Variants in EHBP1 observed in about 807,000 individuals in gnomAD.
EHBP1 encodes EH domain binding protein 1, also known as EH domain-binding protein 1.
EHBP1 carries 55 observed loss-of-function variants against 144.0 expected under a neutral mutation model. The ratio of observed to expected loss-of-function variants is 0.38; its 90% CI spans 0.31 to 0.48. The LOEUF (loss-of-function observed/expected upper bound fraction) is 0.48. Among genes scored for constraint, EHBP1 ranks in the 20% least tolerant of loss-of-function variants. The pLI is 0.98. For synonymous variants in EHBP1, 469 were observed against 472.7 expected (o/e 0.99, Z 0.10); for missense variants, 1,200 against 1,364.2 (o/e 0.88, Z 1.90).
intron 4 of EHBP1, 85 bp from the exon 5 acceptor site, chr2:62,771,254 C>A: frequency 1.1e-6 from 1 of 900,344 alleles, no homozygotes; most frequent in Non-Finnish European, 1.6e-6. Context: ...AAGCTAAAAA[C>A]AAGGCTATAT....
chr2:62,959,228 A>G (rs1054882586), intron 14 of EHBP1, among the ~76,000 whole-genome samples: 5 of 152,188 alleles, frequency 3.3e-5, no homozygotes, highest in African/African-American at 7.2e-5. Flanking sequence ...TTAAAGCTGA[A>G]TGGTATTCCA....
chr2:62,692,587 G>A (rs2033941987), intron 1 of EHBP1, among the ~76,000 whole-genome samples: 1 of 152,132 alleles, frequency 6.6e-6, no homozygotes, highest in African/African-American at 2.4e-5. Context: ...GTGTAAAGTA[G>A]TATCTTACTG....
At chr2:62,714,834 C>T (rs1012270152) in intron 2 of EHBP1, among the ~76,000 whole-genome samples, 4 of 152,040 alleles carry the variant, frequency 2.6e-5, no homozygotes, top group Admixed American at 2.6e-4. Flanking sequence ...TAGGAGTAAC[C>T]AGGGAATGTG....
intron 5 of EHBP1, among the ~76,000 whole-genome samples, chr2:62,778,391 A>G (rs1249090897): frequency 6.6e-6 from 1 of 152,086 alleles, no homozygotes; most frequent in Non-Finnish European, 1.5e-5. Flanking sequence ...AAAATGTCAA[A>G]AAATAGCTGG....
At chr2:62,729,319 T>TTATAA (rs1322223413) in intron 2 of EHBP1, among the ~76,000 whole-genome samples, 1 of 128,642 alleles carries the variant, frequency 7.8e-6, no homozygotes, top group Non-Finnish European at 1.6e-5. Context: ...AATATAATAT[T>TTATAA]TATAATATAA....
At chr2:62,935,396 G>A (rs1026606820) in intron 10 of EHBP1, among the ~76,000 whole-genome samples, 7 of 141,158 alleles carry the variant, frequency 5.0e-5, no homozygotes, top group African/African-American at 1.0e-4. Context: ...TTACTTTTTC[G>A]CAATAAAGCT....
intron 5 of EHBP1, among the ~76,000 whole-genome samples, chr2:62,804,108 T>C (rs1280840661): frequency 6.6e-6 from 1 of 152,224 alleles, no homozygotes; most frequent in Admixed American, 6.5e-5. Context: ...AGGAAGGTCT[T>C]CTGTGCCTCA....
At chr2:62,791,018 T>G (rs1316651365) in intron 5 of EHBP1, among the ~76,000 whole-genome samples, 1 of 152,084 alleles carries the variant, frequency 6.6e-6, no homozygotes, top group East Asian at 1.9e-4. Context: ...TCACAGAAAT[T>G]TAGAGCTAGA....
At chr2:62,986,659 G>C (rs1375900406) in intron 15 of EHBP1, among the ~76,000 whole-genome samples, 1 of 151,770 alleles carries the variant, frequency 6.6e-6, no homozygotes, top group East Asian at 1.9e-4. Context: ...GGCTGGTCTT[G>C]AACTCCTGAC....
intron 5 of EHBP1, among the ~76,000 whole-genome samples, chr2:62,786,463 A>C (rs920161306): frequency 4.6e-5 from 7 of 152,270 alleles, no homozygotes; most frequent in South Asian, 2.1e-4. Flanking sequence ...CGTGGTTCAA[A>C]GGGGAGGGGA....
intron 1 of EHBP1, among the ~76,000 whole-genome samples, chr2:62,686,475 C>T (rs930578219): frequency 6.6e-6 from 1 of 152,144 alleles, no homozygotes; most frequent in Non-Finnish European, 1.5e-5. Context: ...CGCTGAAGCT[C>T]TAAAGATAGG....
chr2:62,728,727 A>G (rs958897478), intron 2 of EHBP1, among the ~76,000 whole-genome samples: 1 of 150,782 alleles, frequency 6.6e-6, no homozygotes, highest in African/African-American at 2.4e-5. Flanking sequence ...AAAGGGCTTA[A>G]TTTTCATAAA....
intron 2 of EHBP1, among the ~76,000 whole-genome samples, chr2:62,720,732 A>AG (rs1390008205): frequency 6.6e-6 from 1 of 152,222 alleles, no homozygotes; most frequent in Admixed American, 6.5e-5. Context: ...AGTACAGAGC[A>AG]GGGGTGTCCA....
intron 5 of EHBP1, chr2:62,772,235 A>G (rs890295149): frequency 3.3e-5 from 5 of 150,482 alleles, no homozygotes; most frequent in Non-Finnish European, 7.4e-5. Flanking sequence ...AAAGAGAAGG[A>G]AGGAAGGAAG....
intron 8 of EHBP1, 37 bp downstream of exon 8, chr2:62,859,328 A>G (rs1363231349): frequency 1.9e-6 from 3 of 1,561,526 alleles, no homozygotes; most frequent in East Asian, 4.5e-5. Flanking sequence ...GTCTTTGTAT[A>G]GTCAAGTTGA....
intron 2 of EHBP1, among the ~76,000 whole-genome samples, chr2:62,744,833 C>CA (rs2039006974): frequency 6.6e-6 from 1 of 152,000 alleles, no homozygotes; most frequent in African/African-American, 2.4e-5. Flanking sequence ...GTAGGGGACA[C>CA]ACTCTCATTG....
At chr2:62,741,871 G>T (rs1253342918) in intron 2 of EHBP1, among the ~76,000 whole-genome samples, 1 of 152,064 alleles carries the variant, frequency 6.6e-6, no homozygotes, top group African/African-American at 2.4e-5. Flanking sequence ...GTTGTATTAG[G>T]TATAGTAATC....
At chr2:62,892,362 A>T (rs1366723448) in intron 10 of EHBP1, among the ~76,000 whole-genome samples, 1 of 152,142 alleles carries the variant, frequency 6.6e-6, no homozygotes, top group African/African-American at 2.4e-5. Context: ...GTAAATCTTC[A>T]CAAGGAAGCA....
At chr2:62,849,784 G>A (rs1465439967) in intron 7 of EHBP1, among the ~76,000 whole-genome samples, 2 of 152,160 alleles carry the variant, frequency 1.3e-5, no homozygotes, top group Non-Finnish European at 2.9e-5. Flanking sequence ...AGACGAACAT[G>A]ACATAGTAGC....
Sources: gnomAD v4.1 joint callset for allele counts (sites outside exome capture counted in the v4.1 genomes callset) on GRCh38, gnomAD v4.1.1 for gene constraint, MANE v1.5 for transcripts, NCBI Gene and HGNC (gene_info 2026-07-23, HGNC 2026-07-21) for gene names.